The following PELI1 variants were observed in gnomAD, a reference collection of about 807,000 sequenced individuals.
The protein encoded by PELI1 is E3 ubiquitin-protein ligase pellino homolog 1.
In PELI1, 15 loss-of-function variants were observed where a neutral mutation model predicts 41.3. The observed-to-expected ratio is 0.36, with a 90% CI of 0.24 to 0.56. The LOEUF is 0.56. PELI1 is among the 20% of genes least tolerant of loss of function. PELI1 has a pLI of 0.82. For synonymous variants in PELI1, 178 were observed against 180.1 expected, an observed-to-expected ratio of 0.99 and a Z score of 0.09; for missense variants, 403 against 525.5, an observed-to-expected ratio of 0.77 and a Z score of 2.28.
At position 64,144,314 on chromosome 2, in the gene PELI1, A is replaced by C. The variant is rs1021869737; in HGVS notation, c.-303T>G. On this transcript the variant is annotated 5_prime_UTR_variant, in exon 1 of 7. Coordinates refer to ENST00000358912, the MANE Select transcript of PELI1 (RefSeq NM_020651.4). ...GTGGTGCGCTCCCGGAGGGCTGGGG[A>C]CCAATTCGACCGCACCGCGGGACTA... is the stretch of plus-strand genomic sequence containing the variant. 2 of 152,174 alleles carry C rather than the reference A, an allele frequency of 1.3e-5. No homozygotes were observed. Among genetic ancestry groups the C allele is most frequent in the African/African-American group, 4.8e-5 (2 of 41,468 alleles). 9.4% of individuals were successfully genotyped at this position (152,174 alleles called of 1,614,324 possible).
chr2:64,102,412 A>C (rs930054374), intron 3 of PELI1, among the ~76,000 whole-genome samples: 1 of 152,122 alleles, frequency 6.6e-6, no homozygotes, highest in Non-Finnish European at 1.5e-5. Flanking sequence ...CAGAGGCTGA[A>C]GTGCAGTGGC....
Position 64,095,081 on chromosome 2 carries a change from C to A in PELI1, c.878G>T (p.Ser293Ile). 12 of 1,614,150 alleles carry A rather than the reference C, an allele frequency of 7.4e-6. No individual in the cohort carries two copies. The highest frequency in any genetic ancestry group is 1.0e-5 in the Non-Finnish European group (12 of 1,180,000). The change falls in exon 7 of 7, where the codon AGT becomes ATT. Residue 293 changes from serine to isoleucine, a missense_variant. Physicochemically the swap from Ser to Ile is moderately radical, Grantham distance 142 (BLOSUM62 -2). Coordinates refer to ENST00000358912, the MANE Select transcript of PELI1 (RefSeq NM_020651.4). ...PVGFNTLAFP[S>I]MKRKDVVDEK... is the part of the protein sequence containing the mutation. Reference sequence around the variant, plus strand: ...ATCTACAACGTCTTTCCTCTTCATACTAGGAAATGCTAGTGTGTTGAACCC... The same window carrying A: ...ATCTACAACGTCTTTCCTCTTCATAATAGGAAATGCTAGTGTGTTGAACCC...
Position 64,094,755 on chromosome 2 carries a change from A to T in PELI1, c.1204T>A (p.Leu402Met). Residue 402 changes from leucine to methionine, a missense_variant, in exon 7 of 7, where the codon TTG becomes ATG. Coordinates refer to ENST00000358912, the MANE Select transcript of PELI1 (RefSeq NM_020651.4). ...CTGATGTAGCCTTGTTCACCAGCCA[A>T]CTGATGTGCACAAAAGGGACAGGCT... Reference protein sequence around the residue: ...HAACPFCAHQLAGEQGYIRLI... With the variant: ...HAACPFCAHQMAGEQGYIRLI... The T allele has an allele frequency of 6.2e-7, 1 of 1,614,216 alleles. No homozygotes were observed. The highest frequency in any genetic ancestry group is 8.5e-7 in the Non-Finnish European group (1 of 1,180,026).
chr2:64,126,685 A>G (rs1681396824), intron 1 of PELI1, among the ~76,000 whole-genome samples: 1 of 152,236 alleles, frequency 6.6e-6, no homozygotes, highest in Non-Finnish European at 1.5e-5. Context: ...GCAAAAGACC[A>G]TAAATACCGT....
In PELI1 at chr2:64,094,792, A is replaced by G. The variant is rs1576064538; in HGVS notation, c.1167T>C (p.His389=). Residue 389 remains histidine, a synonymous_variant, in exon 7 of 7, where the codon CAT becomes CAC. Coordinates refer to ENST00000358912, the MANE Select transcript of PELI1 (RefSeq NM_020651.4). ...AAAAGGGACAGGCTGCATGAAAAGT[A>G]TGAGTACCATGAGGAAGTGGGATCT... ...WSQIPLPHGT[H]TFHAACPFCA... The G allele has an allele frequency of 1.9e-6, 3 of 1,614,204 alleles. No homozygotes were observed. Among genetic ancestry groups the G allele is most frequent in the Non-Finnish European group, 2.5e-6 (3 of 1,180,018 alleles).
In PELI1 at chr2:64,094,999, CCA is replaced by C. The variant is rs1392276620; in HGVS notation, c.958_959del (p.Trp320GlyfsTer7). The stretch of plus-strand genomic sequence containing the variant: ...TTCCATCACGTTCTTCTTTGTTTCC[CCA>C]GTTATGATAGCCATGTACATGGCCG... Reference protein sequence around the residue: ...NCGHVHGYHNWGNKEERDGKD... With the variant: ...NCGHVHGYHNXGNKEERDGKD... On this transcript the variant is annotated frameshift_variant, in exon 7 of 7. Coordinates refer to ENST00000358912, the MANE Select transcript of PELI1 (RefSeq NM_020651.4). LOFTEE classifies it high-confidence loss of function. The C allele has an allele frequency of 6.2e-7, 1 of 1,614,180 alleles. No homozygotes were observed. Among genetic ancestry groups the C allele is most frequent in the Admixed American group, 1.7e-5 (1 of 60,006 alleles).
intron 2 of PELI1, among the ~76,000 whole-genome samples, chr2:64,105,073 C>T (rs960280660): frequency 6.6e-6 from 1 of 151,480 alleles, no homozygotes; most frequent in Non-Finnish European, 1.5e-5. Context: ...TACACAGATT[C>T]GTGTTATCTC....
intron 1 of PELI1, among the ~76,000 whole-genome samples, chr2:64,143,017 T>C (rs1215011592): frequency 2.0e-5 from 3 of 152,212 alleles, no homozygotes; most frequent in South Asian, 2.1e-4. Context: ...TTTGTTGATA[T>C]ACTGTTTGAT....
At chr2:64,138,216 T>C (rs940122873) in intron 1 of PELI1, among the ~76,000 whole-genome samples, 9 of 152,070 alleles carry the variant, frequency 5.9e-5, no homozygotes, top group African/African-American at 2.2e-4. Flanking sequence ...GCACTACAGG[T>C]GCAAGCCACT....
At chr2:64,140,452 T>G (rs1198188304) in intron 1 of PELI1, among the ~76,000 whole-genome samples, 1 of 152,054 alleles carries the variant, frequency 6.6e-6, no homozygotes, top group African/African-American at 2.4e-5. Context: ...AGTACAACAT[T>G]CCGAAAAATT....
chr2:64,100,425 A>G lies in PELI1; in HGVS notation c.276T>C (p.Thr92=), dbSNP rs780471555. 2 of 1,559,690 alleles carry G rather than the reference A, an allele frequency of 1.3e-6. No homozygotes were observed. The highest frequency in any genetic ancestry group is 1.1e-5 in the South Asian group (1 of 89,856). The change falls in exon 4 of 7, where the codon ACT becomes ACC. Residue 92 remains threonine (T), a synonymous_variant. Transcript: ENST00000358912. The part of the protein sequence containing the change: ...SRAQTVVVEY[T]HDSNTDMFQI... ...GAAACATATCGGTGTTGCTGTCATG[A>G]GTATATTCAACCACCACAGTCTGGG...
chr2:64,106,536 T>C (rs1680627328), intron 2 of PELI1, among the ~76,000 whole-genome samples: 2 of 152,248 alleles, frequency 1.3e-5, no homozygotes, highest in African/African-American at 4.8e-5. Context: ...CATTAAAATC[T>C]ATGTGATTTG....
At chr2:64,099,817 A>C (rs1680364706) in intron 4 of PELI1, among the ~76,000 whole-genome samples, 1 of 150,180 alleles carries the variant, frequency 6.7e-6, no homozygotes, top group Admixed American at 6.6e-5. Flanking sequence ...CTATCAGTTT[A>C]TAAAATATCA....
At chr2:64,131,598 G>C (rs1399785273) in intron 1 of PELI1, among the ~76,000 whole-genome samples, 3 of 151,932 alleles carry the variant, frequency 2.0e-5, no homozygotes, top group East Asian at 1.9e-4. Context: ...GGCATGTAGA[G>C]AGTGAAATAG....
chr2:64,097,653 G>A (rs1198311186), intron 4 of PELI1, among the ~76,000 whole-genome samples: 1 of 152,200 alleles, frequency 6.6e-6, no homozygotes, highest in East Asian at 1.9e-4. Flanking sequence ...GAATGTATTT[G>A]TTATAAAGTA....
rs1405535131 is a variant in PELI1 at position 64,096,210 on chromosome 2, T to A, written c.605A>T (p.Lys202Met). Residue 202 changes from lysine to methionine, a missense_variant, in exon 6 of 7, where the codon AAG becomes ATG. Lys to Met is a moderately conservative substitution (Grantham distance 95). Coordinates refer to ENST00000358912, the MANE Select transcript of PELI1 (RefSeq NM_020651.4). ...CGATATTTCTCTCCATATTCCAGGCTTGGAGTCTTCTGTGAACCCATTGCG... is the reference window on the plus strand; with the variant it reads ...CGATATTTCTCTCCATATTCCAGGCATGGAGTCTTCTGTGAACCCATTGCG... ...HPRNGFTEDSKPGIWREISVC... is the reference protein window; with the variant it reads ...HPRNGFTEDSMPGIWREISVC... 6.2e-7 allele frequency: 1 copy of A among 1,613,980 alleles called. No individual in the cohort carries two copies. The highest frequency in any genetic ancestry group is 8.5e-7 in the Non-Finnish European group (1 of 1,179,842).
chr2:64,095,800 T>C (rs1159675087), intron 6 of PELI1, among the ~76,000 whole-genome samples: 1 of 152,276 alleles, frequency 6.6e-6, no homozygotes, highest in Non-Finnish European at 1.5e-5. Context: ...TGCGCCACCA[T>C]GCCTGGCTTA....
In PELI1 at chr2:64,096,568, C is replaced by A. The variant is rs1415717854; in HGVS notation, c.346G>T (p.Asp116Tyr). 1 of 1,612,554 alleles carries A rather than the reference C, an allele frequency of 6.2e-7. No individual in the cohort carries two copies. The highest frequency in any genetic ancestry group is 1.3e-5 in the African/African-American group (1 of 74,710). ...TTACTTTGACTTCCAGGAACCGTGT[C>A]AGTTACTACAAAATCAATGGGGCTT... is the stretch of plus-strand genomic sequence containing the variant. ...TESPIDFVVTDTVPGSQSNSD... is the reference protein window; with the variant it reads ...TESPIDFVVTYTVPGSQSNSD... The change falls in exon 5 of 7, where the codon GAC becomes TAC. Residue 116 changes from aspartate (D) to tyrosine (Y), a missense_variant. Asp to Tyr is a radical substitution (Grantham distance 160). Transcript: ENST00000358912.
At chr2:64,111,328 G>A (rs981775336) in intron 1 of PELI1, among the ~76,000 whole-genome samples, 6 of 152,132 alleles carry the variant, frequency 3.9e-5, no homozygotes, top group African/African-American at 1.4e-4. Flanking sequence ...AAAAGTCAAT[G>A]AATAAAACAA....
Sources: gnomAD v4.1 joint callset for allele counts (sites outside exome capture counted in the v4.1 genomes callset) on GRCh38, gnomAD v4.1.1 for gene constraint, MANE v1.5 for transcripts, NCBI Gene and HGNC (gene_info 2026-07-23, HGNC 2026-07-21) for gene names.